The following PTK2 variants were observed in gnomAD, a reference collection of about 807,000 sequenced individuals.
PTK2 encodes focal adhesion kinase 1.
PTK2 carries 45 observed loss-of-function variants against 150.1 expected under a neutral mutation model. The ratio of observed to expected loss-of-function variants is 0.30; its 90% CI spans 0.24 to 0.38. The LOEUF is 0.38. Among genes scored for constraint, PTK2 ranks in the 10% least tolerant of loss-of-function variants. The pLI is 1.00. For missense variants in PTK2, 919 were observed against 1,307.3 expected (o/e 0.70, Z 4.58); for synonymous variants, 432 against 449.2 (o/e 0.96, Z 0.48).
chr8:140,917,147 T>C (rs1175075117), intron 2 of PTK2, among the ~76,000 whole-genome samples: 1 of 152,062 alleles, frequency 6.6e-6, no homozygotes, highest in Non-Finnish European at 1.5e-5. Context: ...TCCTAGCACT[T>C]TGGGAGGCCG....
intron 1 of PTK2, among the ~76,000 whole-genome samples, chr8:140,945,101 G>A (rs2100177234): frequency 6.6e-6 from 1 of 152,176 alleles, no homozygotes; most frequent in East Asian, 1.9e-4. Context: ...GAAAACTGAA[G>A]TGGTACTACA....
intron 5 of PTK2, among the ~76,000 whole-genome samples, chr8:140,860,884 C>T (rs995277377): frequency 1.3e-5 from 2 of 152,138 alleles, no homozygotes; most frequent in Admixed American, 6.5e-5. Context: ...GGAAAAACAA[C>T]GACATTGCCA....
intron 26 of PTK2, among the ~76,000 whole-genome samples, chr8:140,698,924 AT>A (rs10713722): frequency 0.084 from 8,085 of 96,158 alleles, 678 homozygotes; most frequent in African/African-American, 0.26. Flanking sequence ...TAATTTTTGT[AT>A]TTTTTTTTTT....
In PTK2 at chr8:140,714,490, T is replaced by TAA. The variant is rs527379790; in HGVS notation, c.2142+3106_2142+3107dup. On this transcript the variant is annotated intron_variant, in intron 23 of 31. Coordinates refer to ENST00000522684, the Ensembl canonical transcript of PTK2. ...AGAAAGAAAGGAAGGAAGGAAGAAA[T>TAA]AAAAAAAAAAAATCTAAGTAAGACA... is the stretch of plus-strand genomic sequence containing the variant. 7.2e-5 allele frequency among the ~76,000 whole-genome samples: 10 copies of TAA among 139,234 alleles called. No individual in the cohort carries two copies. The South Asian group carries it at 1.8e-3, about 25-fold the overall frequency. The allele number at this position is 139,234 out of a possible 152,430, so 91.3% of individuals were successfully genotyped here.
At chr8:140,735,200 A>G (rs1329877413) in intron 22 of PTK2, 51 bp downstream of exon 25, 3 of 1,525,566 alleles carry the variant, frequency 2.0e-6, no homozygotes, top group Non-Finnish European at 2.7e-6. Flanking sequence ...AAGGAGGAGA[A>G]GCAGCATAAT....
chr8:140,981,680 G>A (rs955231555), intron 1 of PTK2, among the ~76,000 whole-genome samples: 1 of 152,182 alleles, frequency 6.6e-6, no homozygotes, highest in Non-Finnish European at 1.5e-5. Flanking sequence ...AGATTTCAGT[G>A]TCTAAAGTTT....
In PTK2 at chr8:140,943,005, T is replaced by C. The variant is rs144549726; in HGVS notation, c.-121-17256A>G. On this transcript the variant is annotated intron_variant, in intron 1 of 31. Transcript: ENST00000522684. ...GCCATGTGACGCATCTGCTCCCACT[T>C]CACCTTCCATCATGAGTAAAAGCTC... Among the ~76,000 whole-genome samples, 13 of 152,268 alleles carry C rather than the reference T, an allele frequency of 8.5e-5. No individual in the cohort carries two copies. In the East Asian group the frequency reaches 2.5e-3, roughly 29 times the overall value.
intron 16 of PTK2, 75 bp from the exon 20 acceptor site, chr8:140,752,391 T>C: frequency 7.3e-7 from 1 of 1,376,022 alleles, no homozygotes; most frequent in South Asian, 1.2e-5. Context: ...TGAAAACCTG[T>C]CTGTTTTGCA....
intron 22 of PTK2, chr8:140,734,765 G>C (rs1247915033): frequency 3.9e-6 from 2 of 516,524 alleles, no homozygotes; most frequent in Admixed American, 3.9e-5. Context: ...CCTGAAGCAG[G>C]TAACATCTGA....
chr8:140,891,720 G>C (rs149928903), intron 2 of PTK2, among the ~76,000 whole-genome samples: 150 of 152,334 alleles, frequency 9.8e-4, no homozygotes, highest in African/African-American at 3.5e-3. Flanking sequence ...GTTGTCTCCT[G>C]AAGACAGTTA....
intron 1 of PTK2, among the ~76,000 whole-genome samples, chr8:140,993,243 G>A (rs1350808528): frequency 6.6e-6 from 1 of 152,164 alleles, no homozygotes; most frequent in Non-Finnish European, 1.5e-5. Flanking sequence ...GTGAGTCTGA[G>A]CTCAGATGAT....
At chr8:140,814,929 C>A (rs1165331008) in intron 10 of PTK2, among the ~76,000 whole-genome samples, 7 of 152,130 alleles carry the variant, frequency 4.6e-5, no homozygotes, top group Non-Finnish European at 8.8e-5. Context: ...CGCATGCCAC[C>A]ACGCCCAGCT....
chr8:140,936,020 T>G (rs2100173497), intron 1 of PTK2, among the ~76,000 whole-genome samples: 1 of 152,054 alleles, frequency 6.6e-6, no homozygotes, highest in African/African-American at 2.4e-5. Flanking sequence ...AGGAAAATTT[T>G]TAAAAATAAG....
intron 5 of PTK2, among the ~76,000 whole-genome samples, chr8:140,861,965 G>A (rs1032356837): frequency 1.3e-5 from 2 of 152,068 alleles, no homozygotes; most frequent in Non-Finnish European, 1.5e-5. Flanking sequence ...TATAAAGACC[G>A]CTGAACTGAA....
intron 25 of PTK2, among the ~76,000 whole-genome samples, chr8:140,701,901 T>TG (rs1371550303): frequency 6.6e-6 from 1 of 151,670 alleles, no homozygotes. Flanking sequence ...GTGAGGTGGG[T>TG]GGATCACTTG....
intron 26 of PTK2, among the ~76,000 whole-genome samples, chr8:140,696,307 T>C (rs2100026552): frequency 6.6e-6 from 1 of 152,242 alleles, no homozygotes. Flanking sequence ...TAAGTCACAG[T>C]TGTTGCCCTT....
At chr8:140,981,114 A>G (rs1004943527) in intron 1 of PTK2, among the ~76,000 whole-genome samples, 9 of 151,732 alleles carry the variant, frequency 5.9e-5, no homozygotes, top group Admixed American at 2.0e-4. Flanking sequence ...AAAAAAGAAA[A>G]GAAAAAGAAA....
intron 1 of PTK2, among the ~76,000 whole-genome samples, chr8:140,944,187 C>T (rs2100176851): frequency 6.6e-6 from 1 of 152,180 alleles, no homozygotes; most frequent in South Asian, 2.1e-4. Flanking sequence ...TCAAAATTTT[C>T]CCTGTTTTGA....
intron 26 of PTK2, among the ~76,000 whole-genome samples, chr8:140,688,603 C>G (rs972985512): frequency 1.3e-5 from 2 of 151,902 alleles, no homozygotes; most frequent in Admixed American, 1.3e-4. Flanking sequence ...TGCCTGAGTC[C>G]CAGCTACTGG....
Sources: gnomAD v4.1 joint callset for allele counts (sites outside exome capture counted in the v4.1 genomes callset) on GRCh38, gnomAD v4.1.1 for gene constraint, MANE v1.5 for transcripts, NCBI Gene and HGNC (gene_info 2026-07-23, HGNC 2026-07-21) for gene names.